PRR5: variants seen among roughly 807,000 people sequenced by gnomAD.
PRR5 encodes the protein proline-rich protein 5.
In PRR5, 25 loss-of-function variants were observed where a neutral mutation model predicts 30.6. The observed-to-expected ratio is 0.82, with a 90% CI of 0.60 to 1.14. The LOEUF is 1.14. Among genes scored for constraint, PRR5 ranks in the 50% most tolerant of loss-of-function variants. The pLI, the probability that PRR5 is intolerant of heterozygous loss-of-function variation, is 0.00. For missense variants in PRR5, 600 were observed against 547.1 expected (o/e 1.10, Z -0.96); for synonymous variants, 286 against 247.1 (o/e 1.16, Z -1.48).
At chr22:44,705,647 C>G (rs369194222) in intron 1 of PRR5, among the ~76,000 whole-genome samples, 1 of 150,122 alleles carries the variant, frequency 6.7e-6, no homozygotes, top group Non-Finnish European at 1.5e-5. Context: ...TCTTTTGAGA[C>G]GGAATCTTGC....
Position 44,721,139 on chromosome 22 carries a change from C to T in PRR5, c.216-4105C>T, listed in dbSNP as rs568479901. Among the ~76,000 whole-genome samples the T allele has an allele frequency of 1.2e-4, 18 of 152,218 alleles. No individual in the cohort carries two copies. In the East Asian group the frequency reaches 2.9e-3, roughly 24 times the overall value. On this transcript the variant is annotated intron_variant, in intron 2 of 7. Coordinates refer to ENST00000336985, the MANE Select transcript of PRR5 (RefSeq NM_181333.4). Reference sequence around the variant, plus strand: ...CGGTGGAGGGTGTCCAGGTTCTTGGCGCTTTGAACAAAGAATTGAACAAAA... The same window carrying T: ...CGGTGGAGGGTGTCCAGGTTCTTGGTGCTTTGAACAAAGAATTGAACAAAA...
At chr22:44,681,014 A>G (rs919977267) in intron 1 of PRR5, among the ~76,000 whole-genome samples, 13 of 152,362 alleles carry the variant, frequency 8.5e-5, no homozygotes, top group African/African-American at 2.6e-4. Flanking sequence ...ATTGTCTGCC[A>G]GACTAGCACG....
Position 44,731,304 on chromosome 22 carries a change from A to T in PRR5, c.323-426A>T, listed in dbSNP as rs1405887175. ...GAGTGTACCTACCTGTGCGGGTCTC[A>T]CCTGTGTCAGGCGTACGTGTAGGGG... is the stretch of plus-strand genomic sequence containing the variant. On this transcript the variant is annotated intron_variant, in intron 4 of 7. Coordinates refer to ENST00000336985, the MANE Select transcript of PRR5 (RefSeq NM_181333.4). 3 of 278,754 alleles carry T rather than the reference A, an allele frequency of 1.1e-5. No individual in the cohort carries two copies. The Admixed American group carries it at 1.4e-4, about 13-fold the overall frequency. The allele number at this position is 278,754 out of a possible 1,614,324, so 17.3% of individuals were successfully genotyped here.
upstream of PRR5, among the ~76,000 whole-genome samples, chr22:44,698,565 C>T (rs945436537): frequency 1.3e-5 from 2 of 152,216 alleles, no homozygotes; most frequent in African/African-American, 2.4e-5. Flanking sequence ...CCCCCAGCCC[C>T]CTCCTCAGAC....
At chr22:44,721,823 C>G (rs1459464491) in intron 2 of PRR5, among the ~76,000 whole-genome samples, 2 of 152,336 alleles carry the variant, frequency 1.3e-5, no homozygotes, top group Middle Eastern at 6.8e-3. Flanking sequence ...TGCCCTCCAG[C>G]CCTGACTTGC....
At chr22:44,701,357 A>C (rs1027216433), upstream of PRR5, among the ~76,000 whole-genome samples, 1 of 152,226 alleles carries the variant, frequency 6.6e-6, no homozygotes, top group Non-Finnish European at 1.5e-5. Flanking sequence ...TTGATTGCAC[A>C]ATGTTGGCAC....
chr22:44,701,624 A>C (rs1209132645), upstream of PRR5, among the ~76,000 whole-genome samples: 1 of 152,164 alleles, frequency 6.6e-6, no homozygotes, highest in Non-Finnish European at 1.5e-5. Flanking sequence ...ATAAGGAGCA[A>C]ACCCTCTACT....
intron 1 of PRR5, 50 bp downstream of exon 1, chr22:44,702,658 G>A: frequency 7.9e-7 from 1 of 1,261,902 alleles, no homozygotes; most frequent in Non-Finnish European, 1.0e-6. Flanking sequence ...CCGGGGGAGG[G>A]GACCCCTGAG....
chr22:44,682,034 C>T (rs1380425161), intron 1 of PRR5, among the ~76,000 whole-genome samples: 1 of 152,206 alleles, frequency 6.6e-6, no homozygotes, highest in East Asian at 1.9e-4. Flanking sequence ...GGAACCTGCT[C>T]CACGCGGCCA....
chr22:44,674,708 G>C (rs1256200086), upstream of PRR5, among the ~76,000 whole-genome samples: 2 of 151,188 alleles, frequency 1.3e-5, no homozygotes, highest in South Asian at 4.2e-4. Flanking sequence ...GACAGAGAGA[G>C]ACTCCGTCTA....
chr22:44,729,482 G>A (rs779509668), intron 4 of PRR5: 19 of 985,618 alleles, frequency 1.9e-5, no homozygotes, highest in East Asian at 1.1e-4. Flanking sequence ...GGTACGGCGC[G>A]CACACACCCG....
At chr22:44,708,092 T>C (rs937413348) in intron 1 of PRR5, among the ~76,000 whole-genome samples, 2 of 151,964 alleles carry the variant, frequency 1.3e-5, no homozygotes, top group Non-Finnish European at 2.9e-5. Context: ...CCAGCTACTT[T>C]GGGACGTTGA....
At chr22:44,729,437 T>C in intron 4 of PRR5, 1 of 985,294 alleles carries the variant, frequency 1.0e-6, no homozygotes, top group South Asian at 4.7e-5. Context: ...GCCGCTCGCC[T>C]GCATCAGCCC....
intron 1 of PRR5, among the ~76,000 whole-genome samples, chr22:44,702,822 G>A (rs1331641561): frequency 1.3e-5 from 2 of 152,128 alleles, no homozygotes; most frequent in African/African-American, 2.4e-5. Context: ...AGGGAGCGAG[G>A]CCCGCCAGCG....
upstream of PRR5, among the ~76,000 whole-genome samples, chr22:44,674,012 G>T (rs1160999507): frequency 6.6e-6 from 1 of 152,142 alleles, no homozygotes; most frequent in African/African-American, 2.4e-5. Context: ...TGGAGAACGG[G>T]CTCTGATTCT....
intron 7 of PRR5, 99 bp downstream of exon 7, chr22:44,735,261 ATC>A: frequency 1.4e-6 from 2 of 1,398,476 alleles, no homozygotes; most frequent in Non-Finnish European, 1.9e-6. Flanking sequence ...CAGAACCAGG[ATC>A]TGACTCCAGA....
chr22:44,731,719 C>T lies in PRR5; in HGVS notation c.323-11C>T. On this transcript the variant is annotated splice_polypyrimidine_tract_variant and intron_variant, in intron 4 of 7. Transcript: ENST00000336985. ...AGTCAGGCCCAGTGGTGATGGCCCC[C>T]ATGCCCACAGGACAGAAGCTGCTGG... is the stretch of plus-strand genomic sequence containing the variant. 1 of 1,613,606 alleles carries T rather than the reference C, an allele frequency of 6.2e-7. No homozygotes were observed. Among genetic ancestry groups the T allele is most frequent in the Non-Finnish European group, 8.5e-7 (1 of 1,179,906 alleles).
chr22:44,670,857 A>C (rs1296828129), intron 1 of PRR5, among the ~76,000 whole-genome samples: 1 of 152,178 alleles, frequency 6.6e-6, no homozygotes, highest in African/African-American at 2.4e-5. Context: ...GGAAAGAGGA[A>C]CACCAGCCCC....
At chr22:44,681,028 G>A (rs754710154) in intron 1 of PRR5, among the ~76,000 whole-genome samples, 4 of 152,250 alleles carry the variant, frequency 2.6e-5, no homozygotes, top group Non-Finnish European at 4.4e-5. Flanking sequence ...TAGCACGGCA[G>A]CGGCTCTGCC....
Sources: gnomAD v4.1 joint callset for allele counts (sites outside exome capture counted in the v4.1 genomes callset) on GRCh38, gnomAD v4.1.1 for gene constraint, MANE v1.5 for transcripts, NCBI Gene and HGNC (gene_info 2026-07-23, HGNC 2026-07-21) for gene names.